The following BBS9 variants were observed in gnomAD, a reference collection of about 807,000 sequenced individuals.
The protein encoded by BBS9 is protein PTHB1.
In BBS9, 89 loss-of-function variants were observed where a neutral mutation model predicts 117.7. The observed-to-expected ratio is 0.76, with a 90% CI of 0.64 to 0.90. The LOEUF is 0.90. Ranked by LOEUF, BBS9 falls within the 40% of genes least tolerant of loss-of-function variation. BBS9 has a pLI of 0.00. For synonymous variants in BBS9, 379 were observed against 370.9 expected, an observed-to-expected ratio of 1.02 and a Z score of -0.25; for missense variants, 982 against 1,042.2, an observed-to-expected ratio of 0.94 and a Z score of 0.80.
chr7:33,227,147 G>T (rs995187307), intron 5 of BBS9, among the ~76,000 whole-genome samples: 6 of 151,226 alleles, frequency 4.0e-5, no homozygotes, highest in African/African-American at 7.3e-5. Context: ...TTTGTTTAGG[G>T]ACCTTACAGC....
intron 19 of BBS9, among the ~76,000 whole-genome samples, chr7:33,493,716 C>A (rs565351686): frequency 3.9e-5 from 6 of 152,082 alleles, no homozygotes; most frequent in Non-Finnish European, 1.5e-5. Context: ...TCGTAATGGA[C>A]GTCAAGTAGC....
At chr7:33,507,993 A>G (rs2129019149) in intron 20 of BBS9, among the ~76,000 whole-genome samples, 1 of 152,346 alleles carries the variant, frequency 6.6e-6, no homozygotes, top group Admixed American at 6.5e-5. Context: ...GAATTTTACC[A>G]TTGGTCTTTG....
At chr7:33,434,959 T>C (rs184162929) in intron 19 of BBS9, among the ~76,000 whole-genome samples, 1 of 152,294 alleles carries the variant, frequency 6.6e-6, no homozygotes, top group East Asian at 1.9e-4. Flanking sequence ...ATTACTTCAT[T>C]TTAGCCTTCT....
chr7:33,155,512 C>G, intron 3 of BBS9, 126 bp from the exon 4 acceptor site: 1 of 646,266 alleles, frequency 1.5e-6, no homozygotes, highest in Non-Finnish European at 2.8e-6. Context: ...AGAATGTTAT[C>G]TAATGAATTG....
intron 21 of BBS9, among the ~76,000 whole-genome samples, chr7:33,548,016 T>C (rs1300300569): frequency 6.6e-6 from 1 of 152,002 alleles, no homozygotes; most frequent in African/African-American, 2.4e-5. Flanking sequence ...AATAACATTC[T>C]CCCTGTGTGT....
intron 20 of BBS9, among the ~76,000 whole-genome samples, chr7:33,520,266 C>A (rs948717134): frequency 6.6e-6 from 1 of 152,100 alleles, no homozygotes; most frequent in Non-Finnish European, 1.5e-5. Context: ...CCTGCCTCGG[C>A]CTCCCAAAGT....
At chr7:33,212,040 C>G (rs535529443) in intron 5 of BBS9, among the ~76,000 whole-genome samples, 1 of 152,112 alleles carries the variant, frequency 6.6e-6, no homozygotes, top group Admixed American at 6.5e-5. Flanking sequence ...TTATTAGATG[C>G]CTTGAGAAAG....
intron 19 of BBS9, among the ~76,000 whole-genome samples, chr7:33,460,482 AT>A (rs1251077909): frequency 3.3e-5 from 5 of 152,078 alleles, no homozygotes; most frequent in African/African-American, 9.7e-5. Flanking sequence ...CTTATTAAAT[AT>A]TTTTTATGTA....
intron 21 of BBS9, among the ~76,000 whole-genome samples, chr7:33,573,045 T>C (rs1858092377): frequency 6.6e-6 from 1 of 151,996 alleles, no homozygotes; most frequent in Non-Finnish European, 1.5e-5. Flanking sequence ...CTTTCCCTCT[T>C]TCTTTCTTGT....
intron 9 of BBS9, among the ~76,000 whole-genome samples, chr7:33,316,294 G>T (rs1017803252): frequency 2.0e-5 from 3 of 152,020 alleles, no homozygotes; most frequent in Non-Finnish European, 4.4e-5. Flanking sequence ...TGTAACAGTG[G>T]CAATTTATTT....
At chr7:33,172,339 C>T (rs1352623916) in intron 4 of BBS9, among the ~76,000 whole-genome samples, 7 of 151,720 alleles carry the variant, frequency 4.6e-5, no homozygotes, top group Non-Finnish European at 1.0e-4. Flanking sequence ...CAAGATCGTG[C>T]CACTGCACTC....
In BBS9 at chr7:33,264,371, A is replaced by C. The variant is rs1326295377; in HGVS notation, c.699A>C (p.Leu233=). 6.4e-7 allele frequency: 1 copy of C among 1,570,134 alleles called. No homozygotes were observed. The part of the protein sequence containing the change: ...EQQKLGSGKR[L]VVDWTLNIGE... The stretch of plus-strand genomic sequence containing the variant: ...AAAAACTTGGTTCTGGAAAAAGACT[A>C]GTTGTAAGGCCTTTTTTTAATATAT... The change falls in exon 7 of 23, where the codon CTA becomes CTC. Residue 233 remains leucine (L), a synonymous_variant. Transcript: ENST00000242067.
intron 19 of BBS9, among the ~76,000 whole-genome samples, chr7:33,503,982 C>T (rs1371557309): frequency 1.3e-5 from 2 of 152,206 alleles, no homozygotes; most frequent in Non-Finnish European, 2.9e-5. Context: ...TAACTTCTTT[C>T]ACACTTACTT....
intron 9 of BBS9, among the ~76,000 whole-genome samples, chr7:33,286,768 G>T (rs1802985524): frequency 6.6e-6 from 1 of 152,092 alleles, no homozygotes; most frequent in African/African-American, 2.4e-5. Flanking sequence ...GATGGACTTA[G>T]TCCTTTATTC....
At chr7:33,378,076 T>C (rs1824228488) in intron 17 of BBS9, among the ~76,000 whole-genome samples, 1 of 152,212 alleles carries the variant, frequency 6.6e-6, no homozygotes, top group African/African-American at 2.4e-5. Flanking sequence ...TTTTCATCCT[T>C]ATTACCATTA....
intron 19 of BBS9, among the ~76,000 whole-genome samples, chr7:33,477,911 A>G (rs726463): frequency 0.78 from 118,776 of 152,052 alleles, 47,302 homozygotes; most frequent in African/African-American, 0.94. Flanking sequence ...GGGTTGTGTC[A>G]TCTTTTGTTT....
Position 33,507,246 on chromosome 7 carries a change from G to T in BBS9, c.2298+1601G>T, listed in dbSNP as rs532442817. 2.9e-4 allele frequency among the ~76,000 whole-genome samples: 44 copies of T among 152,056 alleles called. 1 individual carries two copies. The highest frequency in any genetic ancestry group is 3.4e-3 in the Middle Eastern group (1 of 294). On this transcript the variant is annotated intron_variant, in intron 20 of 22. Transcript: ENST00000242067. ...AGTTTTTTTGTTTGTTTGTTTGTTTGTTTTTTCGTTTTGAGATGGAGTCTT... is the reference window on the plus strand; with the variant it reads ...AGTTTTTTTGTTTGTTTGTTTGTTTTTTTTTTCGTTTTGAGATGGAGTCTT...
intron 19 of BBS9, among the ~76,000 whole-genome samples, chr7:33,477,573 T>C (rs1390363850): frequency 2.6e-5 from 4 of 152,286 alleles, no homozygotes; most frequent in Non-Finnish European, 4.4e-5. Context: ...AGGAAGGCTC[T>C]CCCAATCACA....
intron 19 of BBS9, among the ~76,000 whole-genome samples, chr7:33,457,702 G>C (rs374521424): frequency 6.6e-6 from 1 of 152,126 alleles, no homozygotes; most frequent in Non-Finnish European, 1.5e-5. Context: ...CTCAAGGTTA[G>C]TTTGTCTGGA....
Sources: gnomAD v4.1 joint callset for allele counts (sites outside exome capture counted in the v4.1 genomes callset) on GRCh38, gnomAD v4.1.1 for gene constraint, MANE v1.5 for transcripts, NCBI Gene and HGNC (gene_info 2026-07-23, HGNC 2026-07-21) for gene names.